PRKG2: variants seen among roughly 807,000 people sequenced by gnomAD.
PRKG2 encodes protein kinase cGMP-dependent 2, also known as cGMP-dependent protein kinase 2.
A neutral mutation model predicts 97.2 loss-of-function variants in PRKG2; 33 were observed. The ratio of observed to expected loss-of-function variants is 0.34; its 90% CI spans 0.26 to 0.45. The LOEUF (loss-of-function observed/expected upper bound fraction) is 0.45, where lower values mean the gene tolerates loss of function less well. PRKG2 is among the 20% of genes least tolerant of loss of function. PRKG2 has a pLI of 1.00. For synonymous variants in PRKG2, 330 were observed against 321.8 expected (o/e 1.03, Z -0.27); for missense variants, 638 against 900.0 (o/e 0.71, Z 3.73).
chr4:81,115,121 G>T (rs1744383369), intron 14 of PRKG2, among the ~76,000 whole-genome samples: 1 of 152,028 alleles, frequency 6.6e-6, no homozygotes, highest in African/African-American at 2.4e-5. Context: ...TTACGCAGTA[G>T]AAATGTATAC....
intron 1 of PRKG2, among the ~76,000 whole-genome samples, chr4:81,205,374 C>CT (rs1269426773): frequency 1.3e-5 from 2 of 152,140 alleles, no homozygotes; most frequent in African/African-American, 4.8e-5. Context: ...CTCTGAACAG[C>CT]TGCCAAAAGC....
At chr4:81,200,155 C>G (rs1370442905) in intron 2 of PRKG2, among the ~76,000 whole-genome samples, 5 of 152,196 alleles carry the variant, frequency 3.3e-5, no homozygotes, top group African/African-American at 1.2e-4. Flanking sequence ...AGTAAAAGGT[C>G]TGACATCTGA....
intron 2 of PRKG2, among the ~76,000 whole-genome samples, chr4:81,177,279 T>C (rs1751012782): frequency 6.6e-6 from 1 of 152,206 alleles, no homozygotes; most frequent in Non-Finnish European, 1.5e-5. Context: ...ACATGACCCA[T>C]GGCCTCAAAA....
intron 2 of PRKG2, chr4:81,192,233 A>G (rs755215646): frequency 6.6e-6 from 1 of 152,210 alleles, no homozygotes; most frequent in Non-Finnish European, 1.5e-5. Flanking sequence ...CCATTAAATA[A>G]ATTTCAACAA....
In PRKG2 at chr4:81,087,779, C is replaced by G. The variant is rs944249314; in HGVS notation, c.*1929G>C. 9.2e-5 allele frequency: 14 copies of G among 151,998 alleles called. No homozygotes were observed. The highest frequency in any genetic ancestry group is 3.4e-4 in the African/African-American group (14 of 41,392). The allele number at this position is 151,998 out of a possible 1,614,324, so 9.4% of individuals were successfully genotyped here. A position where few individuals can be genotyped will look rare whatever the true frequency, so the allele number is the denominator to read the frequency against. ...CATCTTTTAAAGTACTCTAAGGAAA[C>G]AATAAAAAATCACATGGGAGGATAA... is the stretch of plus-strand genomic sequence containing the variant. On this transcript the variant is annotated 3_prime_UTR_variant, in exon 19 of 19. Transcript: ENST00000264399.
intron 2 of PRKG2, among the ~76,000 whole-genome samples, chr4:81,184,803 T>C (rs574179914): frequency 2.6e-5 from 4 of 152,112 alleles, no homozygotes; most frequent in Admixed American, 6.5e-5. Flanking sequence ...ATAAATGACC[T>C]GATGAAGCTT....
At chr4:81,152,172 T>C (rs1367680734) in intron 7 of PRKG2, 118 bp from the exon 8 acceptor site, 5 of 728,878 alleles carry the variant, frequency 6.9e-6, no homozygotes, top group Middle Eastern at 3.2e-4. Flanking sequence ...AAAAAGACAA[T>C]ACTTTGTTTT....
At chr4:81,114,940 A>G (rs1345729265) in intron 14 of PRKG2, among the ~76,000 whole-genome samples, 1 of 152,186 alleles carries the variant, frequency 6.6e-6, no homozygotes, top group Admixed American at 6.5e-5. Context: ...CTGAAAAATT[A>G]TATTTGTCAA....
chr4:81,104,897 A>G (rs1367924679), intron 16 of PRKG2, among the ~76,000 whole-genome samples: 2 of 152,158 alleles, frequency 1.3e-5, no homozygotes, highest in Non-Finnish European at 2.9e-5. Context: ...TGAATTTTAA[A>G]CAAAAAAAAT....
intron 14 of PRKG2, among the ~76,000 whole-genome samples, chr4:81,132,749 T>C (rs1016375950): frequency 1.3e-5 from 2 of 152,230 alleles, no homozygotes; most frequent in African/African-American, 2.4e-5. Flanking sequence ...TCAATCATTA[T>C]ACTCTTAATT....
intron 2 of PRKG2, among the ~76,000 whole-genome samples, chr4:81,190,329 C>T (rs1752374905): frequency 2.0e-5 from 3 of 152,278 alleles, no homozygotes; most frequent in South Asian, 2.1e-4. Context: ...TTGACACAAA[C>T]AAGCAATCAA....
chr4:81,215,842 T>C (rs1345230184), upstream of PRKG2, among the ~76,000 whole-genome samples: 3 of 151,936 alleles, frequency 2.0e-5, no homozygotes, highest in Admixed American at 1.3e-4. Context: ...GGAGCTTTCT[T>C]GATCACCCAA....
intron 2 of PRKG2, among the ~76,000 whole-genome samples, chr4:81,182,853 A>C (rs1038994678): frequency 2.0e-5 from 3 of 152,122 alleles, no homozygotes; most frequent in Admixed American, 2.0e-4. Context: ...ACACAGAAGA[A>C]TACAAAATAT....
intron 3 of PRKG2, among the ~76,000 whole-genome samples, chr4:81,173,300 C>T (rs1374432420): frequency 6.6e-6 from 1 of 152,074 alleles, no homozygotes; most frequent in Non-Finnish European, 1.5e-5. Flanking sequence ...TCCATGTGTG[C>T]CATAACTCTG....
Position 81,087,541 on chromosome 4 carries a change from C to T in PRKG2, c.*2167G>A, listed in dbSNP as rs1741218836. 6.6e-6 allele frequency: 1 copy of T among 152,136 alleles called. No homozygotes were observed. Among genetic ancestry groups the T allele is most frequent in the Non-Finnish European group, 1.5e-5 (1 of 67,988 alleles). 9.4% of individuals were successfully genotyped at this position (152,136 alleles called of 1,614,324 possible). On this transcript the variant is annotated 3_prime_UTR_variant, in exon 19 of 19. Transcript: ENST00000264399. ...TAGAGACAGTAACAGTAGCTCCCGT[C>T]TATGCAGCAATGGTTATTTCACAGA...
chr4:81,143,981 A>G (rs984214461), intron 10 of PRKG2, among the ~76,000 whole-genome samples: 2 of 152,138 alleles, frequency 1.3e-5, no homozygotes, highest in African/African-American at 4.8e-5. Flanking sequence ...AAGGCCCTGG[A>G]TTAGAACACC....
intron 3 of PRKG2, among the ~76,000 whole-genome samples, chr4:81,173,397 T>C (rs1158366619): frequency 6.6e-6 from 1 of 152,140 alleles, no homozygotes; most frequent in African/African-American, 2.4e-5. Context: ...AGGAACGAGA[T>C]AGGCTTACAT....
At chr4:81,105,998 G>C in intron 15 of PRKG2, 63 bp from the exon 16 acceptor site, 3 of 1,518,122 alleles carry the variant, frequency 2.0e-6, no homozygotes, top group Non-Finnish European at 2.7e-6. Flanking sequence ...CATTTGGAAT[G>C]AATTTTCTTT....
rs1741314703 is a variant in PRKG2 at position 81,089,191 on chromosome 4, G to C, written c.*517C>G. 6.6e-6 allele frequency: 1 copy of C among 152,256 alleles called. No individual in the cohort carries two copies. Among genetic ancestry groups the C allele is most frequent in the Admixed American group, 6.5e-5 (1 of 15,268 alleles). 9.4% of individuals were successfully genotyped at this position (152,256 alleles called of 1,614,324 possible). A position where few individuals can be genotyped will look rare whatever the true frequency, so the allele number is the denominator to read the frequency against. On this transcript the variant is annotated 3_prime_UTR_variant, in exon 19 of 19. Transcript: ENST00000264399. Reference sequence around the variant, plus strand: ...ATATATTTTCAGGTTAAAAGCAGGTGAAAGTCAGGAGGTTCTGTTGGCTAC... The same window carrying C: ...ATATATTTTCAGGTTAAAAGCAGGTCAAAGTCAGGAGGTTCTGTTGGCTAC...
Sources: gnomAD v4.1 joint callset for allele counts (sites outside exome capture counted in the v4.1 genomes callset) on GRCh38, gnomAD v4.1.1 for gene constraint, MANE v1.5 for transcripts, NCBI Gene and HGNC (gene_info 2026-07-23, HGNC 2026-07-21) for gene names.